The following RWDD2B variants were observed in gnomAD, a reference collection of about 807,000 sequenced individuals.
The protein encoded by RWDD2B is RWD domain containing 2B.
RWDD2B carries 36 observed loss-of-function variants against 33.6 expected under a neutral mutation model. The ratio of observed to expected loss-of-function variants is 1.07; its 90% CI spans 0.82 to 1.42. The LOEUF is 1.42. RWDD2B is among the 40% of genes most tolerant of loss of function. RWDD2B has a pLI of 0.00. For synonymous variants in RWDD2B, 126 were observed against 133.1 expected (o/e 0.95, Z 0.37); for missense variants, 364 against 377.5 (o/e 0.96, Z 0.30).
chr21:29,019,092 T>C (rs2084903156), intron 1 of RWDD2B, 119 bp downstream of exon 1: 2 of 781,528 alleles, frequency 2.6e-6, no homozygotes, highest in African/African-American at 3.5e-5. Context: ...GATGGGCGCA[T>C]GCAGTGAGGG....
rs1156711102 is a variant in RWDD2B at position 29,004,454 on chromosome 21, T to C, written c.*1963A>G. On this transcript the variant is annotated 3_prime_UTR_variant, in exon 5 of 5. Coordinates refer to ENST00000493196, the MANE Select transcript of RWDD2B (RefSeq NM_016940.3). ...CATAGCAATCTGGTTTTTAATATAA[T>C]GTAGAGAGACTGAAAAAGTTTTAGC... The C allele has an allele frequency of 1.3e-5, 2 of 152,260 alleles. No homozygotes were observed. Among genetic ancestry groups the C allele is most frequent in the Non-Finnish European group, 2.9e-5 (2 of 68,046 alleles). 9.4% of individuals were successfully genotyped at this position (152,260 alleles called of 1,614,324 possible).
Position 29,008,003 on chromosome 21 carries a change from G to A in RWDD2B, c.483C>T (p.His161=), listed in dbSNP as rs193177471. The A allele has an allele frequency of 1.7e-5, 27 of 1,614,226 alleles. No individual in the cohort carries two copies. Among genetic ancestry groups the A allele is most frequent in the African/African-American group, 4.0e-5 (3 of 75,064 alleles). The part of the protein sequence containing the change: ...ILNATEWVRE[H]ASGYVSRDTS... Reference sequence around the variant, plus strand: ...TATCTCTGCTGACATAGCCAGAGGCGTGTTCTCTAACCCACTCTGTGGCAT... The same window carrying A: ...TATCTCTGCTGACATAGCCAGAGGCATGTTCTCTAACCCACTCTGTGGCAT... Residue 161 remains histidine (H), a synonymous_variant, in exon 4 of 5, where the codon CAC becomes CAT. Coordinates refer to ENST00000493196, the MANE Select transcript of RWDD2B (RefSeq NM_016940.3).
chr21:29,014,554 G>T (rs906157100), intron 1 of RWDD2B, among the ~76,000 whole-genome samples: 14 of 152,196 alleles, frequency 9.2e-5, no homozygotes, highest in Admixed American at 2.6e-4. Context: ...TGGCGCAGTG[G>T]CTCACGCCTG....
intron 1 of RWDD2B, among the ~76,000 whole-genome samples, chr21:29,018,716 C>T (rs1016034728): frequency 6.6e-6 from 1 of 152,106 alleles, no homozygotes; most frequent in East Asian, 1.9e-4. Context: ...TGTGGCCGGG[C>T]GCGATTGCTC....
Position 29,016,563 on chromosome 21 carries a change from CT to C in RWDD2B, c.67+2647del, listed in dbSNP as rs542020495. Among the ~76,000 whole-genome samples the C allele has an allele frequency of 8.9e-3, 1,312 of 148,054 alleles. 18 individuals carry two copies. Among genetic ancestry groups the C allele is most frequent in the African/African-American group, 0.03 (1,193 of 40,382 alleles). ...ACAGGCATGAGCCACTGCTCCCGGC[CT>C]TTTTTTTTTTAAACAAAATCCTCAT... On this transcript the variant is annotated intron_variant, in intron 1 of 4. Coordinates refer to ENST00000493196, the MANE Select transcript of RWDD2B (RefSeq NM_016940.3).
chr21:29,009,800 C>T (rs546531321), intron 1 of RWDD2B: 10 of 152,152 alleles, frequency 6.6e-5, no homozygotes, highest in Admixed American at 6.5e-4. Flanking sequence ...AAGCATTATA[C>T]ATATATATAT....
At position 29,008,644 on chromosome 21, in the gene RWDD2B, G is replaced by A. The variant is rs528463075; in HGVS notation, c.68-23C>T. ...TTTCTAAGGAGGTAAAGATAAGAGA[G>A]ACAATTTACATATGCAATCTTGGAA... On this transcript the variant is annotated intron_variant, in intron 1 of 4. Transcript: ENST00000493196. 15 of 1,512,914 alleles carry A rather than the reference G, an allele frequency of 9.9e-6. No individual in the cohort carries two copies. The African/African-American group carries it at 1.6e-4, about 17-fold the overall frequency. 93.7% of individuals were successfully genotyped at this position (1,512,914 alleles called of 1,614,324 possible).
chr21:29,015,500 A>G (rs1342677956), intron 1 of RWDD2B, among the ~76,000 whole-genome samples: 1 of 141,762 alleles, frequency 7.1e-6, no homozygotes, highest in African/African-American at 2.6e-5. Flanking sequence ...AAGTGCTGTG[A>G]TTACAGGTGT....
chr21:29,015,224 G>GTTTTTTTTTTTT (rs71189334), intron 1 of RWDD2B, among the ~76,000 whole-genome samples: 1 of 64,812 alleles, frequency 1.5e-5, no homozygotes, highest in Non-Finnish European at 2.6e-5. Flanking sequence ...ATTATGATGC[G>GTTTTTTTTTTTT]TTTTTTTTTT....
intron 1 of RWDD2B, among the ~76,000 whole-genome samples, chr21:29,011,623 G>T (rs1489625456): frequency 5.4e-5 from 7 of 128,806 alleles, no homozygotes; most frequent in Admixed American, 3.0e-4. Flanking sequence ...CAGCCGCCCC[G>T]TCCGGGAGGG....
chr21:29,013,103 G>A (rs1346571718), intron 1 of RWDD2B, among the ~76,000 whole-genome samples: 1 of 149,028 alleles, frequency 6.7e-6, no homozygotes, highest in African/African-American at 2.5e-5. Context: ...CTGGAGTGCA[G>A]TGGTGCGATT....
chr21:29,008,374 C>G (rs2084839799), intron 2 of RWDD2B, 21 bp downstream of exon 2: 1 of 1,613,260 alleles, frequency 6.2e-7, no homozygotes, highest in Non-Finnish European at 8.5e-7. Context: ...TTCAATCCCT[C>G]TAAAAGCAAA....
intron 1 of RWDD2B, among the ~76,000 whole-genome samples, chr21:29,010,721 G>T (rs375032636): frequency 1.7e-4 from 25 of 150,898 alleles, no homozygotes; most frequent in Non-Finnish European, 4.4e-5. Flanking sequence ...ATTCCGAGCC[G>T]AAGCTGGACG....
At chr21:29,007,225 G>A (rs2084832832) in intron 4 of RWDD2B, among the ~76,000 whole-genome samples, 3 of 152,208 alleles carry the variant, frequency 2.0e-5, no homozygotes, top group Admixed American at 1.3e-4. Flanking sequence ...CATAGTGTCT[G>A]GGGCAGGAGC....
rs769911150 is a variant in RWDD2B at position 29,008,569 on chromosome 21, A to C, written c.120T>G (p.Leu40=). The C allele has an allele frequency of 3.7e-6, 6 of 1,614,118 alleles. No homozygotes were observed. Among genetic ancestry groups the C allele is most frequent in the Non-Finnish European group, 5.1e-6 (6 of 1,180,038 alleles). ...MIEMEQAEAQ[L]AELDLLASMF... Reference sequence around the variant, plus strand: ...TACTGGCTAGCAGGTCTAACTCAGCAAGCTGGGCCTCCGCCTGCTCCATCT... The same window carrying C: ...TACTGGCTAGCAGGTCTAACTCAGCCAGCTGGGCCTCCGCCTGCTCCATCT... Residue 40 remains leucine (L), a synonymous_variant, in exon 2 of 5, where the codon CTT becomes CTG. Transcript: ENST00000493196.
At chr21:29,008,372 C>T (rs780828956) in intron 2 of RWDD2B, 23 bp downstream of exon 2, 1 of 1,612,978 alleles carries the variant, frequency 6.2e-7, no homozygotes. Context: ...GTTTCAATCC[C>T]TCTAAAAGCA....
chr21:29,015,434 T>C (rs982232495), intron 1 of RWDD2B, among the ~76,000 whole-genome samples: 1 of 151,608 alleles, frequency 6.6e-6, no homozygotes, highest in African/African-American at 2.4e-5. Context: ...TTTCACCATG[T>C]TGGGCAGGCT....
Position 29,007,929 on chromosome 21 carries a change from A to C in RWDD2B, c.557T>G (p.Ile186Ser), listed in dbSNP as rs2084836923. 5.0e-6 allele frequency: 8 copies of C among 1,614,100 alleles called. No homozygotes were observed. The highest frequency in any genetic ancestry group is 1.7e-5 in the Admixed American group (1 of 60,010). Residue 186 changes from isoleucine (I) to serine (S), a missense_variant, in exon 4 of 5, where the codon ATC (isoleucine) becomes AGC (serine). Coordinates refer to ENST00000493196, the MANE Select transcript of RWDD2B (RefSeq NM_016940.3). Reference sequence around the variant, plus strand: ...GCTGTAGATCCAGAGTCTCGTGAAGATGAGGTCAACTGACTGGACTGTGCT... The same window carrying C: ...GCTGTAGATCCAGAGTCTCGTGAAGCTGAGGTCAACTGACTGGACTGTGCT... ...TGSTVQSVDL[I>S]FTRLWIYSHH...
In RWDD2B at chr21:29,004,880, TACTA is replaced by T. The variant is rs2084820977; in HGVS notation, c.*1533_*1536del. Reference sequence around the variant, plus strand: ...GTATTACATAATATATGCTGTCTTTTACTAACTGATTCATTTTGTGATAAGCATA... The same window carrying T: ...GTATTACATAATATATGCTGTCTTTTACTGATTCATTTTGTGATAAGCATA... On this transcript the variant is annotated 3_prime_UTR_variant, in exon 5 of 5. Coordinates refer to ENST00000493196, the MANE Select transcript of RWDD2B (RefSeq NM_016940.3). 3 of 152,382 alleles carry T rather than the reference TACTA, an allele frequency of 2.0e-5. No homozygotes were observed. Among genetic ancestry groups the T allele is most frequent in the South Asian group, 2.1e-4 (1 of 4,830 alleles). 9.4% of individuals were successfully genotyped at this position (152,382 alleles called of 1,614,324 possible). A position where few individuals can be genotyped will look rare whatever the true frequency, so the allele number is the denominator to read the frequency against.
Sources: allele counts gnomAD v4.1 joint callset (sites outside exome capture counted in the v4.1 genomes callset), GRCh38; gene constraint gnomAD v4.1.1; transcripts MANE v1.5; gene names NCBI Gene and HGNC (gene_info 2026-07-23, HGNC 2026-07-21).